Variants in SLAIN2 observed in about 807,000 individuals in gnomAD.
SLAIN2 encodes SLAIN family member 2.
A neutral mutation model predicts 56.6 loss-of-function variants in SLAIN2; 31 were observed. The observed-to-expected ratio is 0.55, with a 90% CI of 0.41 to 0.74. The LOEUF (loss-of-function observed/expected upper bound fraction) is 0.74, where lower values mean the gene tolerates loss of function less well. SLAIN2 is among the 30% of genes least tolerant of loss of function. The pLI, the probability that SLAIN2 is intolerant of heterozygous loss-of-function variation, is 0.00. For missense variants in SLAIN2, 777 were observed against 754.2 expected (o/e 1.03, Z -0.35); for synonymous variants, 317 against 284.9 (o/e 1.11, Z -1.13).
At chr4:48,414,605 T>C (rs1156355564) in intron 6 of SLAIN2, among the ~76,000 whole-genome samples, 1 of 143,866 alleles carries the variant, frequency 7.0e-6, no homozygotes, top group East Asian at 2.0e-4. Flanking sequence ...ATGTGCACAT[T>C]GTGCAGGTTA....
At chr4:48,409,287 A>ATT (rs367955272) in intron 6 of SLAIN2, among the ~76,000 whole-genome samples, 13 of 150,814 alleles carry the variant, frequency 8.6e-5, no homozygotes, top group Admixed American at 7.3e-4. Context: ...GTCTTTCTCT[A>ATT]TTTTTTTTTG....
At chr4:48,350,334 T>C (rs554765670) in intron 1 of SLAIN2, among the ~76,000 whole-genome samples, 2 of 152,350 alleles carry the variant, frequency 1.3e-5, no homozygotes, top group East Asian at 1.9e-4. Flanking sequence ...ACTTGCCTTC[T>C]ACTTCCACTT....
intron 1 of SLAIN2, among the ~76,000 whole-genome samples, chr4:48,343,748 A>G (rs2109728849): frequency 6.6e-6 from 1 of 152,312 alleles, no homozygotes; most frequent in African/African-American, 2.4e-5. Flanking sequence ...TCTCAGGAAG[A>G]TTTGAGTAAC....
intron 1 of SLAIN2, among the ~76,000 whole-genome samples, chr4:48,344,134 T>C (rs752580618): frequency 3.3e-5 from 5 of 152,228 alleles, no homozygotes; most frequent in Non-Finnish European, 7.3e-5. Flanking sequence ...CAGGAGTTTC[T>C]TTTGACCAGA....
intron 2 of SLAIN2, among the ~76,000 whole-genome samples, chr4:48,375,105 A>C (rs1715770401): frequency 6.6e-6 from 1 of 152,232 alleles, no homozygotes. Flanking sequence ...AGGAGAAAGA[A>C]TATGGCATAG....
At chr4:48,421,898 C>T (rs1184863038) in intron 7 of SLAIN2, 113 bp from the exon 8 acceptor site, 5 of 842,760 alleles carry the variant, frequency 5.9e-6, no homozygotes, top group African/African-American at 5.1e-5. Flanking sequence ...TTGGTACGGC[C>T]TTCATGGGAT....
intron 1 of SLAIN2, among the ~76,000 whole-genome samples, chr4:48,347,399 C>G (rs1714898818): frequency 6.7e-6 from 1 of 149,184 alleles, no homozygotes; most frequent in Admixed American, 6.8e-5. Context: ...GCGCGTGACA[C>G]CATGCCTGGC....
intron 6 of SLAIN2, among the ~76,000 whole-genome samples, chr4:48,396,456 T>C (rs1381564653): frequency 2.0e-5 from 3 of 152,224 alleles, no homozygotes; most frequent in Admixed American, 2.0e-4. Flanking sequence ...ATTTAAAATA[T>C]TAGCTTAATA....
intron 2 of SLAIN2, among the ~76,000 whole-genome samples, chr4:48,371,493 T>G (rs545192030): frequency 1.3e-5 from 2 of 152,298 alleles, no homozygotes; most frequent in South Asian, 4.1e-4. Context: ...TCATAAGAGA[T>G]TATTAGAAAT....
chr4:48,354,366 G>A (rs559440318), intron 1 of SLAIN2, among the ~76,000 whole-genome samples: 7 of 152,280 alleles, frequency 4.6e-5, no homozygotes, highest in East Asian at 1.9e-4. Context: ...AAGGGAAAAA[G>A]TTAAGGGATT....
rs542404155 is a variant in SLAIN2 at position 48,412,768 on chromosome 4, A to C, written c.1361-7357A>C. Among the ~76,000 whole-genome samples, 9 of 152,350 alleles carry C rather than the reference A, an allele frequency of 5.9e-5. 1 individual carries two copies. In the East Asian group the frequency reaches 1.7e-3, roughly 29 times the overall value. On this transcript the variant is annotated intron_variant, in intron 6 of 7. Coordinates refer to ENST00000264313, the MANE Select transcript of SLAIN2 (RefSeq NM_020846.2). ...TATGCTTACAAAATAATAGTCGTGTACGTTAATGGAAGAAGAAATCAAAGG... is the reference window on the plus strand; with the variant it reads ...TATGCTTACAAAATAATAGTCGTGTCCGTTAATGGAAGAAGAAATCAAAGG...
chr4:48,383,793 C>T lies in SLAIN2; in HGVS notation c.1360+9C>T. 6.2e-7 allele frequency: 1 copy of T among 1,607,514 alleles called. No individual in the cohort carries two copies. Among genetic ancestry groups the T allele is most frequent in the Non-Finnish European group, 8.5e-7 (1 of 1,176,352 alleles). On this transcript the variant is annotated intron_variant, in intron 6 of 7. Coordinates refer to ENST00000264313, the MANE Select transcript of SLAIN2 (RefSeq NM_020846.2). ...ACCTCAGGCTTCAGCCAGTAAGTAT[C>T]CTTCTTATGCTTTCATGTATCAGTT...
chr4:48,420,209 G>T lies in SLAIN2; in HGVS notation c.1445G>T (p.Gly482Val). The T allele has an allele frequency of 6.2e-7, 1 of 1,613,900 alleles. No individual in the cohort carries two copies. Among genetic ancestry groups the T allele is most frequent in the Non-Finnish European group, 8.5e-7 (1 of 1,179,878 alleles). Reference protein sequence around the residue: ...RQPVKAFSNHGSGSPGSQEIT... With the variant: ...RQPVKAFSNHVSGSPGSQEIT... ...CCAGTGAAAGCATTTAGTAACCATG[G>T]CTCTGGTTCTCCTGGTAGCCAAGAA... The change falls in exon 7 of 8, where the codon GGC becomes GTC. Residue 482 changes from glycine (G) to valine (V), a missense_variant. Transcript: ENST00000264313.
rs1717177351 is a variant in SLAIN2 at position 48,422,292 on chromosome 4, T to C, written c.*215T>C. 2.2e-6 allele frequency: 1 copy of C among 450,666 alleles called. No individual in the cohort carries two copies. The highest frequency in any genetic ancestry group is 4.0e-6 in the Non-Finnish European group (1 of 251,764). 27.9% of individuals were successfully genotyped at this position (450,666 alleles called of 1,614,324 possible). On this transcript the variant is annotated 3_prime_UTR_variant, in exon 8 of 8. Transcript: ENST00000264313. ...GTGTTTGGTAATCATACAATCACTC[T>C]CCATAGAATCACTTTTAGTTTTGTT...
chr4:48,352,257 G>A (rs1304066148), intron 1 of SLAIN2, among the ~76,000 whole-genome samples: 1 of 152,154 alleles, frequency 6.6e-6, no homozygotes, highest in Non-Finnish European at 1.5e-5. Context: ...TCAAACCAAA[G>A]TATTGAATTC....
rs1311955338 is a variant in SLAIN2, at chr4:48,420,286, A to G, written c.1522A>G (p.Ser508Gly). The G allele has an allele frequency of 6.2e-7, 1 of 1,613,852 alleles. No homozygotes were observed. Among genetic ancestry groups the G allele is most frequent in the Non-Finnish European group, 8.5e-7 (1 of 1,179,884 alleles). The change falls in exon 7 of 8, where the codon AGC becomes GGC. Residue 508 changes from serine to glycine, a missense_variant. Coordinates refer to ENST00000264313, the MANE Select transcript of SLAIN2 (RefSeq NM_020846.2). ...CTCACCTGGGCCTCCTATGGTTCAG[A>G]GCACAGTCTCAGCAAATCCTCCCAG... ...TSSPGPPMVQ[S>G]TVSANPPSNI...
At chr4:48,418,089 CTT>C (rs1717045169) in intron 6 of SLAIN2, among the ~76,000 whole-genome samples, 2 of 151,444 alleles carry the variant, frequency 1.3e-5, no homozygotes. Flanking sequence ...TCTTCTTCTT[CTT>C]CCTCTTCCTC....
At chr4:48,345,712 G>T (rs988670924) in intron 1 of SLAIN2, among the ~76,000 whole-genome samples, 1 of 151,096 alleles carries the variant, frequency 6.6e-6, no homozygotes, top group Admixed American at 6.6e-5. Context: ...TAAATATAAG[G>T]CTTTTAAATT....
At chr4:48,346,380 C>G (rs142241051) in intron 1 of SLAIN2, among the ~76,000 whole-genome samples, 21 of 152,290 alleles carry the variant, frequency 1.4e-4, no homozygotes, top group African/African-American at 5.1e-4. Context: ...AAGCTACATT[C>G]TGGCTCACTA....
Sources: gnomAD v4.1 joint callset for allele counts (sites outside exome capture counted in the v4.1 genomes callset) on GRCh38, gnomAD v4.1.1 for gene constraint, MANE v1.5 for transcripts, NCBI Gene and HGNC (gene_info 2026-07-23, HGNC 2026-07-21) for gene names.